Variants in C1orf167 observed in about 807,000 individuals in gnomAD.
C1orf167 encodes chromosome 1 open reading frame 167.
C1orf167 carries 153 observed loss-of-function variants against 176.5 expected under a neutral mutation model. The ratio of observed to expected loss-of-function variants is 0.87; its 90% confidence interval spans 0.76 to 0.99. The LOEUF (loss-of-function observed/expected upper bound fraction) is 0.99. Among genes scored for constraint, C1orf167 ranks in the 50% least tolerant of loss-of-function variants. C1orf167 has a pLI of 0.00. For synonymous variants in C1orf167, 594 were observed against 752.7 expected (o/e 0.79, Z 3.45); for missense variants, 1,490 against 1,817.7 (o/e 0.82, Z 3.28).
rs1311041263 is a variant in C1orf167 at position 11,778,659 on chromosome 1, G to A, written c.2340-1G>A. 2 of 1,293,984 alleles carry A rather than the reference G, an allele frequency of 1.5e-6. No homozygotes were observed. The highest frequency in any genetic ancestry group is 1.1e-4 in the East Asian group (2 of 17,702). 80.2% of individuals were successfully genotyped at this position (1,293,984 alleles called of 1,614,324 possible). A position where few individuals can be genotyped will look rare whatever the true frequency, so the allele number is the denominator to read the frequency against. On this transcript the variant is annotated splice_acceptor_variant, in intron 10 of 20. Coordinates refer to ENST00000688073, the MANE Select transcript of C1orf167 (RefSeq NM_001010881.2). LOFTEE classifies it high-confidence loss of function. The stretch of plus-strand genomic sequence containing the variant: ...GGGTCACTCACCTGCCCCTTCTCTA[G>A]CTCCTTCTTCCAGGGCCTGCAGCAG...
chr1:11,771,203 G>A lies in C1orf167; in HGVS notation c.1698-321G>A, dbSNP rs376328441. ...TAAAGTCCTCGGATTACAGGTGTGA[G>A]CCACCATGCCTGGCCATGTTCTTAT... On this transcript the variant is annotated intron_variant, in intron 6 of 20. Coordinates refer to ENST00000688073, the MANE Select transcript of C1orf167 (RefSeq NM_001010881.2). 3.2e-4 allele frequency among the ~76,000 whole-genome samples: 47 copies of A among 148,766 alleles called. No individual in the cohort carries two copies. In the East Asian group the frequency reaches 8.9e-3, roughly 28 times the overall value.
intron 13 of C1orf167, 66 bp from the exon 14 acceptor site, chr1:11,782,123 G>C: frequency 8.5e-7 from 1 of 1,183,054 alleles, no homozygotes; most frequent in Non-Finnish European, 1.1e-6. Context: ...GGCTGGCTGC[G>C]TAGAGGCCCA....
chr1:11,783,763 T>C (rs774280875), intron 14 of C1orf167, among the ~76,000 whole-genome samples: 1 of 152,230 alleles, frequency 6.6e-6, no homozygotes, highest in Non-Finnish European at 1.5e-5. Context: ...GGTCGTTTAC[T>C]GTTTTGTGGG....
chr1:11,772,894 C>CATTATTATT (rs1553179315), intron 8 of C1orf167, among the ~76,000 whole-genome samples: 24 of 66,258 alleles, frequency 3.6e-4, no homozygotes, highest in African/African-American at 8.6e-4. Flanking sequence ...TATTATGGGG[C>CATTATTATT]ATTATTATTA....
rs780059563 is a variant in C1orf167 at position 11,779,975 on chromosome 1, G to A, written c.2825G>A (p.Arg942Gln). The A allele has an allele frequency of 8.5e-6, 11 of 1,296,134 alleles. No homozygotes were observed. The highest frequency in any genetic ancestry group is 6.1e-5 in the African/African-American group (4 of 65,678). The allele number at this position is 1,296,134 out of a possible 1,614,324, so 80.3% of individuals were successfully genotyped here. A position where few individuals can be genotyped will look rare whatever the true frequency, so the allele number is the denominator to read the frequency against. The change falls in exon 13 of 21, where the codon CGA (arginine) becomes CAA (glutamine). Residue 942 changes from arginine to glutamine, a missense_variant. Transcript: ENST00000688073. Reference sequence around the variant, plus strand: ...CAGGAGCGGGGCTGGCGGCTGGCACGAGATGCCCTATGCCACTGGCACTCC... The same window carrying A: ...CAGGAGCGGGGCTGGCGGCTGGCACAAGATGCCCTATGCCACTGGCACTCC... ...WAQERGWRLARDALCHWHSCW... is the reference protein window; with the variant it reads ...WAQERGWRLAQDALCHWHSCW...
intron 4 of C1orf167, 110 bp downstream of exon 4, chr1:11,767,374 C>G (rs1398770727): frequency 5.0e-6 from 5 of 1,005,238 alleles, no homozygotes; most frequent in Non-Finnish European, 6.8e-6. Flanking sequence ...GGAGAGGAGG[C>G]AGGGTTTCAA....
rs569059976 is a variant in C1orf167, at chr1:11,764,072, G to A, written c.-70-259G>A. Among the ~76,000 whole-genome samples, 7 of 152,282 alleles carry A rather than the reference G, an allele frequency of 4.6e-5. No individual in the cohort carries two copies. The South Asian group carries it at 1.5e-3, about 32-fold the overall frequency. On this transcript the variant is annotated intron_variant, in intron 1 of 20. Transcript: ENST00000688073. ...GTGGAGGAGGTCGCTGGACCTGCAT[G>A]TTCAGACCTGTATGCAGATCAGCCG...
At chr1:11,771,020 C>CGTGTGTGTGT (rs1406584534) in intron 6 of C1orf167, among the ~76,000 whole-genome samples, 4 of 90,542 alleles carry the variant, frequency 4.4e-5, no homozygotes, top group African/African-American at 8.4e-5. Context: ...CCTCTGGCAG[C>CGTGTGTGTGT]GTGTGTGTGT....
Position 11,766,861 on chromosome 1 carries a change from C to T in C1orf167, c.1075C>T (p.Pro359Ser). Residue 359 changes from proline to serine, a missense_variant, in exon 3 of 21, where the codon CCC becomes TCC. Physicochemically the swap from Pro to Ser is moderately conservative, Grantham distance 74. Transcript: ENST00000688073. The surrounding 1 kb of genome is among the most constrained non-coding windows in gnomAD (Gnocchi z 4.5). The stretch of plus-strand genomic sequence containing the variant: ...CCTAGGGTCAGGGGACAGCTGCTCC[C>T]CCTGGTCTCAAGATGGCAGGGCACA... ...HPLGSGDSCS[P>S]WSQDGRAQRG... 1 of 1,278,642 alleles carries T rather than the reference C, an allele frequency of 7.8e-7. No individual in the cohort carries two copies. Among genetic ancestry groups the T allele is most frequent in the South Asian group, 1.3e-5 (1 of 79,902 alleles). The allele number at this position is 1,278,642 out of a possible 1,614,324, so 79.2% of individuals were successfully genotyped here.
intron 6 of C1orf167, among the ~76,000 whole-genome samples, chr1:11,771,049 G>GTGTGTGTGTGTGTATATA (rs1491322371): frequency 2.9e-5 from 1 of 34,890 alleles, no homozygotes; most frequent in African/African-American, 9.9e-5. Context: ...GTGTGTGTGT[G>GTGTGTGTGTGTGTATATA]TATATATATA....
At chr1:11,775,391 C>A (rs1344499514) in intron 8 of C1orf167, 44 bp from the exon 9 acceptor site, 51 of 1,248,400 alleles carry the variant, frequency 4.1e-5, no homozygotes, top group Non-Finnish European at 5.1e-5. Context: ...CCGCAGTCAT[C>A]AGATCTTGCA....
At chr1:11,780,826 C>T (rs1300499252) in intron 13 of C1orf167, among the ~76,000 whole-genome samples, 3 of 151,850 alleles carry the variant, frequency 2.0e-5, no homozygotes, top group African/African-American at 4.8e-5. Flanking sequence ...GGGAAGGGGT[C>T]AGCAAAATAG....
intron 13 of C1orf167, among the ~76,000 whole-genome samples, chr1:11,781,458 C>T (rs1014472634): frequency 2.0e-5 from 3 of 152,148 alleles, no homozygotes; most frequent in African/African-American, 4.8e-5. Context: ...CCCACTACAC[C>T]GACATATCGC....
intron 6 of C1orf167, among the ~76,000 whole-genome samples, chr1:11,770,251 GAAA>G (rs908564948): frequency 7.1e-6 from 1 of 140,574 alleles, no homozygotes; most frequent in South Asian, 2.2e-4. Context: ...GGACCAGAAA[GAAA>G]AAAAAAAACC....
Position 11,784,394 on chromosome 1 carries a change from C to A in C1orf167, c.3226C>A (p.Gln1076Lys). ...GCAGCAAGGCCAGGAAGATGGGCAGCAGAAGAAGGCCCGGGCCCCACAGGC... is the reference window on the plus strand; with the variant it reads ...GCAGCAAGGCCAGGAAGATGGGCAGAAGAAGAAGGCCCGGGCCCCACAGGC... ...CGQQGQEDGQ[Q>K]KKARAPQAFP... Residue 1076 changes from glutamine (Q) to lysine (K), a missense_variant, in exon 15 of 21, where the codon CAG (glutamine) becomes AAG (lysine). Coordinates refer to ENST00000688073, the MANE Select transcript of C1orf167 (RefSeq NM_001010881.2). 7.7e-7 allele frequency: 1 copy of A among 1,304,060 alleles called. No individual in the cohort carries two copies. The allele number at this position is 1,304,060 out of a possible 1,614,324, so 80.8% of individuals were successfully genotyped here.
chr1:11,779,417 T>C (rs1331578676), intron 12 of C1orf167: 2 of 218,902 alleles, frequency 9.1e-6, no homozygotes, highest in Non-Finnish European at 1.9e-5. Flanking sequence ...AACTTCTCTG[T>C]GCCCTATTTG....
Position 11,779,818 on chromosome 1 carries a change from A to G in C1orf167, c.2668A>G (p.Ser890Gly), listed in dbSNP as rs1354007857. ...CTTTCCCAGCATCTTCCTCAGCTGGAGCCGCTGGGCAACAGCCCAATGGGC... is the reference window on the plus strand; with the variant it reads ...CTTTCCCAGCATCTTCCTCAGCTGGGGCCGCTGGGCAACAGCCCAATGGGC... ...TRQRRIFLSWSRWATAQWAWR... is the reference protein window; with the variant it reads ...TRQRRIFLSWGRWATAQWAWR... Residue 890 changes from serine (S) to glycine (G), a missense_variant, in exon 13 of 21, where the codon AGC (serine) becomes GGC (glycine). Transcript: ENST00000688073. 7.7e-7 allele frequency: 1 copy of G among 1,301,902 alleles called. No homozygotes were observed. Among genetic ancestry groups the G allele is most frequent in the East Asian group, 5.6e-5 (1 of 18,006 alleles). 80.6% of individuals were successfully genotyped at this position (1,301,902 alleles called of 1,614,324 possible).
intron 20 of C1orf167, 150 bp downstream of exon 20, chr1:11,788,896 C>A: frequency 1.9e-6 from 1 of 521,036 alleles, no homozygotes; most frequent in Non-Finnish European, 3.2e-6. Context: ...AGTTCCATTA[C>A]AGAACACACA....
rs149912225 is a variant in C1orf167, at chr1:11,772,268, C to T, written c.1988+9C>T. The T allele has an allele frequency of 2.5e-4, 325 of 1,297,254 alleles. 1 individual carries two copies. Among genetic ancestry groups the T allele is most frequent in the Non-Finnish European group, 3.1e-4 (304 of 985,816 alleles). 80.4% of individuals were successfully genotyped at this position (1,297,254 alleles called of 1,614,324 possible). On this transcript the variant is annotated intron_variant, in intron 8 of 20. Coordinates refer to ENST00000688073, the MANE Select transcript of C1orf167 (RefSeq NM_001010881.2). ...AGAGCTTGGCTGTGCAGGTAGGATG[C>T]CCTTCCCTTTTTTTTGAGATGAGGT...
Sources: allele counts gnomAD v4.1 joint callset (sites outside exome capture counted in the v4.1 genomes callset), GRCh38; gene constraint gnomAD v4.1.1; non-coding constraint Gnocchi (gnomAD v3.1); transcripts MANE v1.5; gene names NCBI Gene and HGNC (gene_info 2026-07-23, HGNC 2026-07-21).